PEAK1: variants seen among roughly 807,000 people sequenced by gnomAD.
PEAK1 encodes the protein inactive tyrosine-protein kinase PEAK1.
In PEAK1, 54 loss-of-function variants were observed where a neutral mutation model predicts 124.7. The observed-to-expected ratio is 0.43, with a 90% CI of 0.35 to 0.54. The LOEUF is 0.54. Among genes scored for constraint, PEAK1 ranks in the 20% least tolerant of loss-of-function variants. The pLI, the probability that PEAK1 is intolerant of heterozygous loss-of-function variation, is 0.01. For synonymous variants in PEAK1, 719 were observed against 760.0 expected, an observed-to-expected ratio of 0.95 and a Z score of 0.89; for missense variants, 2,046 against 2,134.5, an observed-to-expected ratio of 0.96 and a Z score of 0.82.
chr15:77,353,696 G>C (rs1425264342), intron 2 of PEAK1, among the ~76,000 whole-genome samples: 2 of 152,168 alleles, frequency 1.3e-5, no homozygotes, highest in Non-Finnish European at 2.9e-5. Context: ...GGTAAAAAAA[G>C]AGATGACCTA....
At chr15:77,236,299 G>T (rs892318461) in intron 6 of PEAK1, among the ~76,000 whole-genome samples, 1 of 152,224 alleles carries the variant, frequency 6.6e-6, no homozygotes, top group African/African-American at 2.4e-5. Context: ...TGCAGAGGCA[G>T]GACTACCCAA....
Position 77,245,774 on chromosome 15 carries a change from T to C in PEAK1, c.-115+6593A>G, listed in dbSNP as rs1333322533. On this transcript the variant is annotated intron_variant, in intron 6 of 9. Transcript: ENST00000682557. ...CCTCTGCATCTTTGTTAAAAATCAA[T>C]TGAACATATGTGTGTATCTATTTCT... 2.0e-5 allele frequency among the ~76,000 whole-genome samples: 3 copies of C among 152,200 alleles called. 1 individual carries two copies. Among genetic ancestry groups the C allele is most frequent in the South Asian group, 4.1e-4 (2 of 4,824 alleles).
chr15:77,417,007 C>T (rs1170898406), intron 1 of PEAK1, among the ~76,000 whole-genome samples: 4 of 152,032 alleles, frequency 2.6e-5, no homozygotes, highest in Admixed American at 2.6e-4. Context: ...ATAAGATGTA[C>T]TTTCCCTCTT....
intron 9 of PEAK1, among the ~76,000 whole-genome samples, chr15:77,118,052 T>C: frequency 6.6e-6 from 1 of 152,228 alleles, no homozygotes; most frequent in East Asian, 1.9e-4. Flanking sequence ...CGATTTTGGA[T>C]GCTCTAAAGG....
At chr15:77,158,724 C>A (rs370215546) in intron 7 of PEAK1, 28 bp from the exon 8 acceptor site, 1 of 1,604,266 alleles carries the variant, frequency 6.2e-7, no homozygotes, top group African/African-American at 1.3e-5. Flanking sequence ...ACTTGTCACA[C>A]TGGTATTGGA....
At chr15:77,255,965 T>C (rs922225560) in intron 5 of PEAK1, among the ~76,000 whole-genome samples, 1 of 152,094 alleles carries the variant, frequency 6.6e-6, no homozygotes, top group African/African-American at 2.4e-5. Context: ...TAGACACAGG[T>C]AATGCAGAAA....
chr15:77,131,334 A>T (rs2052841170), intron 9 of PEAK1, among the ~76,000 whole-genome samples: 1 of 150,276 alleles, frequency 6.7e-6, no homozygotes, highest in Non-Finnish European at 1.5e-5. Context: ...GTCTACTAAA[A>T]ATACAAAAAT....
chr15:77,346,369 T>C (rs1219112229), intron 2 of PEAK1: 4 of 984,386 alleles, frequency 4.1e-6, no homozygotes, highest in Non-Finnish European at 4.8e-6. Flanking sequence ...TCCTGTTCTA[T>C]AATCCCAGAC....
chr15:77,132,522 C>A (rs1336967750), intron 9 of PEAK1, among the ~76,000 whole-genome samples: 1 of 151,938 alleles, frequency 6.6e-6, no homozygotes, highest in Non-Finnish European at 1.5e-5. Context: ...TGGTGAAACC[C>A]CATCTCCACT....
chr15:77,130,739 T>C (rs979714134), intron 9 of PEAK1, among the ~76,000 whole-genome samples: 17 of 152,206 alleles, frequency 1.1e-4, no homozygotes, highest in Admixed American at 3.9e-4. Context: ...CTTTGTGTTC[T>C]TCAAAAACCT....
intron 6 of PEAK1, among the ~76,000 whole-genome samples, chr15:77,182,619 G>C (rs767234307): frequency 6.6e-6 from 1 of 151,900 alleles, no homozygotes. Flanking sequence ...GGGTGTGGTA[G>C]CACACACCTA....
chr15:77,391,190 C>T (rs1345634152), intron 1 of PEAK1, among the ~76,000 whole-genome samples: 1 of 152,112 alleles, frequency 6.6e-6, no homozygotes, highest in African/African-American at 2.4e-5. Flanking sequence ...TGCTGAGCTA[C>T]ACAGTATCCA....
At position 77,305,741 on chromosome 15, in the gene PEAK1, C is replaced by T. The variant is rs140114694; in HGVS notation, c.-602-19237G>A. Among the ~76,000 whole-genome samples, 68 of 152,262 alleles carry T rather than the reference C, an allele frequency of 4.5e-4. No individual in the cohort carries two copies. The East Asian group carries it at 0.011, about 24-fold the overall frequency. On this transcript the variant is annotated intron_variant, in intron 2 of 9. Coordinates refer to ENST00000682557, the MANE Select transcript of PEAK1 (RefSeq NM_001385026.1). ...CACTAAAATCTGCAGATGATCAAGT[C>T]CCTTACATAAAATGGCATAGTATTT...
At chr15:77,262,494 G>C (rs2061493344) in intron 5 of PEAK1, among the ~76,000 whole-genome samples, 1 of 151,254 alleles carries the variant, frequency 6.6e-6, no homozygotes, top group African/African-American at 2.5e-5. Flanking sequence ...AACCAATAAA[G>C]ATCAAAAGAG....
At chr15:77,317,404 A>G (rs553893844) in intron 2 of PEAK1, among the ~76,000 whole-genome samples, 110 of 152,344 alleles carry the variant, frequency 7.2e-4, no homozygotes, top group African/African-American at 2.5e-3. Flanking sequence ...TACCAGACAC[A>G]ATCAGTTAAT....
intron 6 of PEAK1, among the ~76,000 whole-genome samples, chr15:77,240,097 A>G (rs2060288819): frequency 6.6e-6 from 1 of 152,192 alleles, no homozygotes; most frequent in Non-Finnish European, 1.5e-5. Context: ...ATTTTCAGGA[A>G]TGCTTAGATA....
intron 2 of PEAK1, among the ~76,000 whole-genome samples, chr15:77,355,361 T>C (rs970875343): frequency 2.6e-5 from 4 of 152,142 alleles, no homozygotes; most frequent in African/African-American, 9.7e-5. Flanking sequence ...AAAATACAAA[T>C]TTACATGAAA....
rs142844699 is a variant in PEAK1 at position 77,394,006 on chromosome 15, T to C, written c.-666+26000A>G. On this transcript the variant is annotated intron_variant, in intron 1 of 9. Transcript: ENST00000682557. ...AGCCAGGCAGTACTCACCACGGGCCTGGGACAATGATGGCCATGGGGACAG... is the reference window on the plus strand; with the variant it reads ...AGCCAGGCAGTACTCACCACGGGCCCGGGACAATGATGGCCATGGGGACAG... 5.1e-3 allele frequency among the ~76,000 whole-genome samples: 769 copies of C among 152,238 alleles called. 5 individuals carry two copies. The highest frequency in any genetic ancestry group is 0.017 in the African/African-American group (714 of 41,524).
chr15:77,412,907 G>C (rs1478281436), intron 1 of PEAK1, among the ~76,000 whole-genome samples: 1 of 152,112 alleles, frequency 6.6e-6, no homozygotes, highest in South Asian at 2.1e-4. Flanking sequence ...ACCTAAAAGA[G>C]ATCCCAAGGG....
Sources: allele counts gnomAD v4.1 joint callset (sites outside exome capture counted in the v4.1 genomes callset), GRCh38; gene constraint gnomAD v4.1.1; transcripts MANE v1.5; gene names NCBI Gene and HGNC (gene_info 2026-07-23, HGNC 2026-07-21).